Variants in FABP12 observed in about 807,000 individuals in gnomAD.
The protein encoded by FABP12 is fatty acid binding protein 12.
A neutral mutation model predicts 13.7 loss-of-function variants in FABP12; 19 were observed. The observed-to-expected ratio is 1.39, with a 90% CI of 0.97 to 2.04. The LOEUF is 2.04. Ranked by LOEUF, FABP12 falls within the 30% of genes most tolerant of loss-of-function variation. FABP12 has a pLI of 0.00. For missense variants in FABP12, 182 were observed against 164.2 expected (o/e 1.11, Z -0.59); for synonymous variants, 61 against 57.0 (o/e 1.07, Z -0.32).
chr8:81,529,513 G>C (rs746939916), exon 3 of FABP12: 13 of 1,613,816 alleles, frequency 8.1e-6, no homozygotes, highest in Non-Finnish European at 1.1e-5. Context: ...TATTTTTAAA[G>C]ATGCTTTTGG....
intron 1 of FABP12, among the ~76,000 whole-genome samples, chr8:81,580,815 G>A (rs1810145393): frequency 9.9e-6 from 1 of 100,738 alleles, no homozygotes; most frequent in Non-Finnish European, 1.9e-5. Context: ...CCATATTTTT[G>A]TTCATCCAGA....
intron 1 of FABP12, among the ~76,000 whole-genome samples, chr8:81,559,982 A>G (rs1809693298): frequency 6.6e-6 from 1 of 152,166 alleles, no homozygotes; most frequent in African/African-American, 2.4e-5. Flanking sequence ...AATATGTTCT[A>G]TTTATTTATT....
upstream of FABP12, among the ~76,000 whole-genome samples, chr8:81,535,748 G>T (rs1408006409): frequency 6.6e-6 from 1 of 152,156 alleles, no homozygotes; most frequent in Non-Finnish European, 1.5e-5. Flanking sequence ...GACATTAACA[G>T]TTTATGGTAT....
At chr8:81,546,032 G>A (rs1305321930) in intron 1 of FABP12, among the ~76,000 whole-genome samples, 6 of 152,128 alleles carry the variant, frequency 3.9e-5, no homozygotes, top group African/African-American at 1.2e-4. Flanking sequence ...GTATCCTAGG[G>A]CTTTTGCTTT....
intron 1 of FABP12, among the ~76,000 whole-genome samples, chr8:81,554,345 A>G (rs1013370657): frequency 6.6e-6 from 1 of 152,188 alleles, no homozygotes; most frequent in Non-Finnish European, 1.5e-5. Flanking sequence ...ACCTATTTCA[A>G]TCCCCTCAAA....
At chr8:81,579,452 A>G (rs1810120580) in intron 1 of FABP12, among the ~76,000 whole-genome samples, 1 of 152,142 alleles carries the variant, frequency 6.6e-6, no homozygotes. Flanking sequence ...GGACTTTTTT[A>G]TTTCTTTATT....
chr8:81,531,119 A>G, intron 2 of FABP12, 124 bp downstream of exon 2: 1 of 689,668 alleles, frequency 1.4e-6, no homozygotes, highest in Non-Finnish European at 2.5e-6. Flanking sequence ...CTCAATCAAT[A>G]TTTATTTTTT....
intron 4 of FABP12, 74 bp downstream of exon 4, chr8:81,526,946 T>G: frequency 1.2e-6 from 1 of 835,434 alleles, no homozygotes; most frequent in Non-Finnish European, 1.9e-6. Flanking sequence ...TCATTTTCAT[T>G]GTTTGAGAAC....
intron 1 of FABP12, among the ~76,000 whole-genome samples, chr8:81,560,916 G>A (rs1240616448): frequency 6.6e-6 from 1 of 152,210 alleles, no homozygotes; most frequent in Non-Finnish European, 1.5e-5. Context: ...ACATTTGGCT[G>A]TTGTATCTTC....
chr8:81,534,870 G>A (rs1408427605), upstream of FABP12, among the ~76,000 whole-genome samples: 1 of 150,958 alleles, frequency 6.6e-6, no homozygotes, highest in Non-Finnish European at 1.5e-5. Flanking sequence ...CTTGAACCTG[G>A]GAGGTTGCAG....
chr8:81,529,155 A>G (rs192130629), intron 3 of FABP12, among the ~76,000 whole-genome samples: 1 of 152,298 alleles, frequency 6.6e-6, no homozygotes, highest in Non-Finnish European at 1.5e-5. Flanking sequence ...GAGAGGACTA[A>G]ACAGTAATCT....
chr8:81,566,167 A>G (rs762850748), intron 1 of FABP12, among the ~76,000 whole-genome samples: 1 of 152,066 alleles, frequency 6.6e-6, no homozygotes, highest in East Asian at 1.9e-4. Context: ...GATAGAAGCC[A>G]TAATAAAAAG....
At chr8:81,573,782 A>G (rs956090324) in intron 1 of FABP12, among the ~76,000 whole-genome samples, 1 of 152,084 alleles carries the variant, frequency 6.6e-6, no homozygotes, top group African/African-American at 2.4e-5. Flanking sequence ...TAGAAGAGCT[A>G]CTGACTTGTG....
intron 1 of FABP12, among the ~76,000 whole-genome samples, chr8:81,558,043 G>C (rs564418997): frequency 6.6e-6 from 1 of 152,340 alleles, no homozygotes; most frequent in Non-Finnish European, 1.5e-5. Flanking sequence ...GAGCACAGCA[G>C]AGCCAGATTG....
intron 1 of FABP12, among the ~76,000 whole-genome samples, chr8:81,582,055 G>A (rs2581539): frequency 0.95 from 143,677 of 150,976 alleles, 68,414 homozygotes; most frequent in East Asian, 1. Context: ...CAATGTATCA[G>A]TAATAACTTT....
chr8:81,548,404 G>T (rs1809470588), intron 1 of FABP12, among the ~76,000 whole-genome samples: 2 of 152,158 alleles, frequency 1.3e-5, no homozygotes, highest in South Asian at 4.1e-4. Flanking sequence ...AAGGAAATTT[G>T]AAATCGTGTG....
intron 1 of FABP12, among the ~76,000 whole-genome samples, chr8:81,566,968 T>C (rs1809833646): frequency 6.6e-6 from 1 of 152,098 alleles, no homozygotes; most frequent in South Asian, 2.1e-4. Flanking sequence ...AGTTGCAGTA[T>C]ACAAAATCAA....
intron 1 of FABP12, among the ~76,000 whole-genome samples, chr8:81,574,301 A>G (rs560579243): frequency 1.2e-4 from 18 of 152,294 alleles, no homozygotes; most frequent in Admixed American, 3.9e-4. Context: ...CTGGTATGAA[A>G]CCCACTCGAT....
chr8:81,575,818 A>C (rs1810034590), intron 1 of FABP12, among the ~76,000 whole-genome samples: 1 of 152,162 alleles, frequency 6.6e-6, no homozygotes, highest in African/African-American at 2.4e-5. Context: ...TAAGATTCTC[A>C]TGGGAGCCTG....
Sources: gnomAD v4.1 joint callset for allele counts (sites outside exome capture counted in the v4.1 genomes callset) on GRCh38, gnomAD v4.1.1 for gene constraint, MANE v1.5 for transcripts, NCBI Gene and HGNC (gene_info 2026-07-23, HGNC 2026-07-21) for gene names.